RALYL: variants seen among roughly 807,000 people sequenced by gnomAD.
The protein encoded by RALYL is RALY RNA binding protein like.
RALYL carries 29 observed loss-of-function variants against 35.1 expected under a neutral mutation model. That is an observed-to-expected ratio of 0.83 (90% CI 0.61 to 1.13). RALYL has a LOEUF of 1.13. RALYL is among the 50% of genes most tolerant of loss of function. RALYL has a pLI of 0.00. For missense variants in RALYL, 359 were observed against 360.4 expected (o/e 1.00, Z 0.03); for synonymous variants, 120 against 127.6 (o/e 0.94, Z 0.40).
intron 1 of RALYL, among the ~76,000 whole-genome samples, chr8:84,374,015 T>G (rs1856444140): frequency 6.6e-6 from 1 of 151,982 alleles, no homozygotes; most frequent in Non-Finnish European, 1.5e-5. Context: ...GCTTGGTTGT[T>G]GTTAGTCTAT....
chr8:84,202,336 A>G (rs1817030419), intron 1 of RALYL, among the ~76,000 whole-genome samples: 1 of 151,172 alleles, frequency 6.6e-6, no homozygotes, highest in African/African-American at 2.4e-5. Context: ...ATATAAAATC[A>G]TGTATAAGTA....
intron 2 of RALYL, among the ~76,000 whole-genome samples, chr8:84,737,167 A>T (rs1488507681): frequency 6.6e-6 from 1 of 152,086 alleles, no homozygotes; most frequent in East Asian, 1.9e-4. Context: ...TCTGTGGTCT[A>T]AATCACCACA....
intron 1 of RALYL, among the ~76,000 whole-genome samples, chr8:84,234,200 G>A (rs1466770310): frequency 6.6e-6 from 1 of 152,154 alleles, no homozygotes; most frequent in East Asian, 1.9e-4. Flanking sequence ...ACTTTCAAGA[G>A]TCTAGTCACT....
chr8:84,865,148 ATATT>A (rs1402194493), intron 6 of RALYL, among the ~76,000 whole-genome samples: 2 of 152,218 alleles, frequency 1.3e-5, no homozygotes, highest in Non-Finnish European at 2.9e-5. Flanking sequence ...GCATGTATAA[ATATT>A]CATTAATTTA....
intron 1 of RALYL, among the ~76,000 whole-genome samples, chr8:84,206,156 G>A (rs940292483): frequency 2.0e-5 from 3 of 152,134 alleles, no homozygotes; most frequent in African/African-American, 7.2e-5. Context: ...GACCTTTGTA[G>A]GGGATACAAT....
intron 2 of RALYL, among the ~76,000 whole-genome samples, chr8:84,563,306 A>G (rs1047006964): frequency 6.6e-6 from 1 of 151,866 alleles, no homozygotes; most frequent in Admixed American, 6.6e-5. Context: ...CACAAAAACA[A>G]ACAAACAAGA....
chr8:84,262,043 T>A (rs1237610654), intron 1 of RALYL, among the ~76,000 whole-genome samples: 2 of 152,150 alleles, frequency 1.3e-5, no homozygotes, highest in African/African-American at 4.8e-5. Context: ...ATCACTACCA[T>A]ACTCAGAATA....
At chr8:84,801,589 T>G (rs913302032) in intron 3 of RALYL, among the ~76,000 whole-genome samples, 1 of 152,144 alleles carries the variant, frequency 6.6e-6, no homozygotes, top group African/African-American at 2.4e-5. Context: ...AGGAGTTAGA[T>G]TGAGATAAAT....
At chr8:84,528,853 T>C (rs988744453) in intron 1 of RALYL, among the ~76,000 whole-genome samples, 2 of 152,082 alleles carry the variant, frequency 1.3e-5, no homozygotes, top group Non-Finnish European at 2.9e-5. Context: ...TGTCTACCTA[T>C]TACAGAAATA....
At chr8:84,288,986 C>T (rs1473951417) in intron 1 of RALYL, among the ~76,000 whole-genome samples, 1 of 152,122 alleles carries the variant, frequency 6.6e-6, no homozygotes, top group African/African-American at 2.4e-5. Context: ...CTGAACTTGA[C>T]TGTGCCAAAA....
intron 4 of RALYL, among the ~76,000 whole-genome samples, chr8:84,813,888 T>C (rs906716985): frequency 2.0e-5 from 3 of 151,496 alleles, no homozygotes; most frequent in Non-Finnish European, 4.4e-5. Context: ...GTGTATCTCC[T>C]AATGCTACCC....
chr8:84,613,860 TTATATA>T (rs34184283), intron 2 of RALYL, among the ~76,000 whole-genome samples: 10 of 142,100 alleles, frequency 7.0e-5, no homozygotes, highest in African/African-American at 1.3e-4. Context: ...TTCTTCAGAT[TTATATA>T]TATATATATA....
At chr8:84,463,155 G>A (rs1244839555) in intron 1 of RALYL, among the ~76,000 whole-genome samples, 1 of 151,850 alleles carries the variant, frequency 6.6e-6, no homozygotes, top group South Asian at 2.1e-4. Flanking sequence ...CATTCCTAAT[G>A]TGACATTGAT....
chr8:84,861,199 C>A (rs1838035352), intron 5 of RALYL, among the ~76,000 whole-genome samples: 1 of 151,996 alleles, frequency 6.6e-6, no homozygotes, highest in South Asian at 2.1e-4. Flanking sequence ...ATGTAACAAT[C>A]ATAATTCTAA....
chr8:84,781,325 A>T (rs1313902677), intron 3 of RALYL, among the ~76,000 whole-genome samples: 1 of 152,236 alleles, frequency 6.6e-6, no homozygotes, highest in Non-Finnish European at 1.5e-5. Context: ...AAGCAAATAT[A>T]ACTTATAGAC....
At chr8:84,412,047 C>T (rs2044157963) in intron 1 of RALYL, among the ~76,000 whole-genome samples, 1 of 151,864 alleles carries the variant, frequency 6.6e-6, no homozygotes, top group African/African-American at 2.4e-5. Flanking sequence ...ACTAACAATA[C>T]TAGCTGTTAT....
At chr8:84,321,328 A>C (rs1387088865) in intron 1 of RALYL, among the ~76,000 whole-genome samples, 1 of 152,126 alleles carries the variant, frequency 6.6e-6, no homozygotes, top group African/African-American at 2.4e-5. Context: ...AAGAGAAATG[A>C]TATCTTGGGG....
intron 2 of RALYL, among the ~76,000 whole-genome samples, chr8:84,719,832 T>C (rs1589183286): frequency 6.6e-6 from 1 of 152,064 alleles, no homozygotes; most frequent in African/African-American, 2.4e-5. Flanking sequence ...TCATGCAATA[T>C]TGTTAACTAT....
At chr8:84,728,529 T>A (rs1479154795) in intron 2 of RALYL, among the ~76,000 whole-genome samples, 1 of 151,972 alleles carries the variant, frequency 6.6e-6, no homozygotes, top group Non-Finnish European at 1.5e-5. Flanking sequence ...TTTTGGTGTT[T>A]TAGACATGAA....
Sources: gnomAD v4.1 joint callset for allele counts (sites outside exome capture counted in the v4.1 genomes callset) on GRCh38, gnomAD v4.1.1 for gene constraint, MANE v1.5 for transcripts, NCBI Gene and HGNC (gene_info 2026-07-23, HGNC 2026-07-21) for gene names.